The following UBR2 variants were observed in gnomAD, a reference collection of about 807,000 sequenced individuals.
UBR2 encodes E3 ubiquitin-protein ligase UBR2.
UBR2 carries 92 observed loss-of-function variants against 247.9 expected under a neutral mutation model. The observed-to-expected ratio is 0.37, with a 90% CI of 0.31 to 0.44. The LOEUF (loss-of-function observed/expected upper bound fraction) is 0.44. Among genes scored for constraint, UBR2 ranks in the 20% least tolerant of loss-of-function variants. The pLI is 1.00. For missense variants in UBR2, 1,613 were observed against 2,112.6 expected, an observed-to-expected ratio of 0.76 and a Z score of 4.64; for synonymous variants, 672 against 693.5, an observed-to-expected ratio of 0.97 and a Z score of 0.49.
At chr6:42,632,445 GA>G in intron 11 of UBR2, 106 bp from the exon 12 acceptor site, 6 of 1,022,260 alleles carry the variant, frequency 5.9e-6, no homozygotes, top group Non-Finnish European at 8.1e-6. Context: ...TAGTTGTGTT[GA>G]AAAAGGTTTA....
At chr6:42,640,882 C>T (rs56658465) in intron 16 of UBR2, among the ~76,000 whole-genome samples, 2 of 151,832 alleles carry the variant, frequency 1.3e-5, no homozygotes, top group African/African-American at 4.8e-5. Context: ...GTGCCTGCCA[C>T]CACTCCCAGC....
At chr6:42,598,228 A>G (rs998516232) in intron 4 of UBR2, among the ~76,000 whole-genome samples, 7 of 152,350 alleles carry the variant, frequency 4.6e-5, no homozygotes, top group African/African-American at 1.7e-4. Flanking sequence ...GTTGAAAAAA[A>G]TCAACAGAAT....
chr6:42,670,726 A>G lies in UBR2; in HGVS notation c.4086+11A>G. On this transcript the variant is annotated intron_variant, in intron 36 of 46. Coordinates refer to ENST00000372901, the MANE Select transcript of UBR2 (RefSeq NM_001363705.2). ...TTACCTTGCAGACTGGTAAGTTCTC[A>G]GTTTATTCAGTTCATGATAGTGGGG... is the stretch of plus-strand genomic sequence containing the variant. 6.2e-7 allele frequency: 1 copy of G among 1,603,726 alleles called. No individual in the cohort carries two copies.
At chr6:42,617,601 A>T in intron 11 of UBR2, 94 bp downstream of exon 11, 1 of 1,116,008 alleles carries the variant, frequency 9.0e-7, no homozygotes, top group Non-Finnish European at 1.3e-6. Flanking sequence ...CCTGAAAAGA[A>T]TAGTATTTTA....
At chr6:42,667,762 C>CT (rs1260241442) in intron 34 of UBR2, among the ~76,000 whole-genome samples, 3,457 of 66,962 alleles carry the variant, frequency 0.052, 76 homozygotes, top group Non-Finnish European at 0.064. Flanking sequence ...ACAACTTTTT[C>CT]TTTTTTTTTT....
chr6:42,634,168 C>A, intron 13 of UBR2: 1 of 200,744 alleles, frequency 5.0e-6, no homozygotes, highest in South Asian at 6.1e-5. Flanking sequence ...TTAATGTTTC[C>A]ATGTTTCTTT....
chr6:42,626,965 C>T (rs898857592), intron 11 of UBR2, among the ~76,000 whole-genome samples: 3 of 152,028 alleles, frequency 2.0e-5, no homozygotes, highest in African/African-American at 7.2e-5. Context: ...TTGCTCGCTG[C>T]CCAGATAGAG....
At chr6:42,608,893 T>G (rs1365963234) in intron 7 of UBR2, among the ~76,000 whole-genome samples, 1 of 152,224 alleles carries the variant, frequency 6.6e-6, no homozygotes, top group African/African-American at 2.4e-5. Flanking sequence ...AAAAGATATA[T>G]TTTTCTTTAT....
chr6:42,572,176 G>A (rs1447426794), intron 1 of UBR2, among the ~76,000 whole-genome samples: 1 of 151,904 alleles, frequency 6.6e-6, no homozygotes, highest in Admixed American at 6.6e-5. Context: ...AGTAATATTT[G>A]GAAAATAGTT....
intron 8 of UBR2, among the ~76,000 whole-genome samples, chr6:42,614,451 T>TAC (rs1794410069): frequency 3.5e-5 from 1 of 28,626 alleles, no homozygotes; most frequent in African/African-American, 1.0e-4. Flanking sequence ...TACATATATA[T>TAC]GTATGGAACA....
intron 35 of UBR2, 147 bp downstream of exon 35, chr6:42,670,387 A>G: frequency 9.3e-7 from 1 of 1,077,648 alleles, no homozygotes; most frequent in Non-Finnish European, 1.3e-6. Context: ...AATGTAATGT[A>G]CTGACAAAAT....
intron 10 of UBR2, among the ~76,000 whole-genome samples, chr6:42,616,475 G>T (rs908247624): frequency 6.6e-6 from 1 of 151,632 alleles, no homozygotes; most frequent in Non-Finnish European, 1.5e-5. Context: ...AATTAGCATT[G>T]CAGTCTTAGT....
In UBR2 at chr6:42,615,061, C is replaced by T. The variant is rs1052624050; in HGVS notation, c.986-10C>T. 1 of 1,608,454 alleles carries T rather than the reference C, an allele frequency of 6.2e-7. No individual in the cohort carries two copies. Among genetic ancestry groups the T allele is most frequent in the African/African-American group, 1.3e-5 (1 of 74,756 alleles). ...TTGCTATCTCATTCTACCTTTCCTT[C>T]TATTTAAAGATGGCCTTCGCCGGAT... On this transcript the variant is annotated splice_polypyrimidine_tract_variant and intron_variant, in intron 8 of 46. Coordinates refer to ENST00000372901, the MANE Select transcript of UBR2 (RefSeq NM_001363705.2).
chr6:42,664,566 A>G (rs543330239), intron 32 of UBR2, among the ~76,000 whole-genome samples: 5 of 152,328 alleles, frequency 3.3e-5, no homozygotes, highest in African/African-American at 7.2e-5. Context: ...TAGGAGTTCA[A>G]ACTTTGGTGT....
At chr6:42,565,351 C>T (rs1582400211) in intron 1 of UBR2, among the ~76,000 whole-genome samples, 1 of 152,110 alleles carries the variant, frequency 6.6e-6, no homozygotes, top group Non-Finnish European at 1.5e-5. Flanking sequence ...AAGGGAGTGA[C>T]CCGTGAATAA....
At chr6:42,620,979 G>T (rs1421463704) in intron 11 of UBR2, among the ~76,000 whole-genome samples, 2 of 151,610 alleles carry the variant, frequency 1.3e-5, no homozygotes, top group African/African-American at 4.8e-5. Flanking sequence ...TATTTTGTTT[G>T]TTTGTTTGTT....
chr6:42,672,849 G>C (rs1044634162), intron 36 of UBR2, among the ~76,000 whole-genome samples: 1 of 152,032 alleles, frequency 6.6e-6, no homozygotes, highest in African/African-American at 2.4e-5. Context: ...AGAGCAGGAG[G>C]GGGAGAATGG....
chr6:42,684,954 C>A, intron 44 of UBR2, 83 bp downstream of exon 44: 2 of 1,169,596 alleles, frequency 1.7e-6, no homozygotes, highest in Non-Finnish European at 2.5e-6. Flanking sequence ...TGTTGTTGTT[C>A]TTTGTTTGGG....
chr6:42,664,187 T>C (rs1373412645), intron 32 of UBR2: 1 of 151,610 alleles, frequency 6.6e-6, no homozygotes, highest in South Asian at 2.1e-4. Context: ...GCACATATAC[T>C]AAAATTGGAA....
Sources: gnomAD v4.1 joint callset for allele counts (sites outside exome capture counted in the v4.1 genomes callset) on GRCh38, gnomAD v4.1.1 for gene constraint, MANE v1.5 for transcripts, NCBI Gene and HGNC (gene_info 2026-07-23, HGNC 2026-07-21) for gene names.